The following RAB3C variants were observed in gnomAD, a reference collection of about 807,000 sequenced individuals.
RAB3C encodes ras-related protein Rab-3C.
In RAB3C, 17 loss-of-function variants were observed where a neutral mutation model predicts 26.4. That is an observed-to-expected ratio of 0.64 (90% CI 0.44 to 0.97). The LOEUF (loss-of-function observed/expected upper bound fraction) is 0.97, where lower values mean the gene tolerates loss of function less well. RAB3C is among the 50% of genes least tolerant of loss of function. The pLI, the probability that RAB3C is intolerant of heterozygous loss-of-function variation, is 0.00. For synonymous variants in RAB3C, 91 were observed against 95.9 expected, an observed-to-expected ratio of 0.95 and a Z score of 0.30; for missense variants, 242 against 281.9, an observed-to-expected ratio of 0.86 and a Z score of 1.01.
At chr5:58,826,906 T>C (rs1343859436) in intron 4 of RAB3C, among the ~76,000 whole-genome samples, 1 of 152,202 alleles carries the variant, frequency 6.6e-6, no homozygotes, top group Non-Finnish European at 1.5e-5. Flanking sequence ...CTAATCTAAA[T>C]ACAGTTCACT....
chr5:58,799,055 G>T (rs1202781327), intron 3 of RAB3C, among the ~76,000 whole-genome samples: 1 of 152,164 alleles, frequency 6.6e-6, no homozygotes, highest in Non-Finnish European at 1.5e-5. Flanking sequence ...AGACATTACT[G>T]GGATAATTGG....
chr5:58,796,875 A>G (rs984572349), intron 3 of RAB3C, among the ~76,000 whole-genome samples: 39 of 152,064 alleles, frequency 2.6e-4, no homozygotes, highest in Non-Finnish European at 4.9e-4. Context: ...GGTAGAGTTC[A>G]TAGCAGTCAT....
intron 2 of RAB3C, among the ~76,000 whole-genome samples, chr5:58,653,893 A>G (rs1401102693): frequency 3.3e-5 from 5 of 152,200 alleles, no homozygotes; most frequent in East Asian, 1.9e-4. Flanking sequence ...AATTCCCACA[A>G]TCTTCTATTC....
At chr5:58,696,193 A>T (rs1225405203) in intron 2 of RAB3C, among the ~76,000 whole-genome samples, 2 of 151,996 alleles carry the variant, frequency 1.3e-5, no homozygotes, top group Non-Finnish European at 2.9e-5. Flanking sequence ...TGTGGTTTTT[A>T]TCTTTGGTTC....
At chr5:58,777,727 G>A (rs1181703244) in intron 3 of RAB3C, among the ~76,000 whole-genome samples, 1 of 151,120 alleles carries the variant, frequency 6.6e-6, no homozygotes, top group Admixed American at 6.6e-5. Flanking sequence ...GTATATCTCC[G>A]AATGCTATCC....
intron 2 of RAB3C, among the ~76,000 whole-genome samples, chr5:58,678,004 A>C (rs369546189): frequency 4.7e-5 from 3 of 63,460 alleles, no homozygotes; most frequent in Non-Finnish European, 1.1e-4. Context: ...GTGTGTGTGC[A>C]TGCGTGTGTG....
At chr5:58,749,340 C>A (rs1337762973) in intron 3 of RAB3C, among the ~76,000 whole-genome samples, 3 of 152,134 alleles carry the variant, frequency 2.0e-5, no homozygotes, top group Non-Finnish European at 2.9e-5. Context: ...TTTATTTTCA[C>A]TTAACATTTA....
chr5:58,737,409 AT>A lies in RAB3C; in HGVS notation c.371+11290del, dbSNP rs1330124863. On this transcript the variant is annotated intron_variant, in intron 3 of 4. Coordinates refer to ENST00000282878, the MANE Select transcript of RAB3C (RefSeq NM_138453.4). ...CACCCTATGAAATATATATATATATATATATATATATATATATATATATATA... is the reference window on the plus strand; with the variant it reads ...CACCCTATGAAATATATATATATATAATATATATATATATATATATATATA... 2.5e-4 allele frequency among the ~76,000 whole-genome samples: 14 copies of A among 55,302 alleles called. 1 individual carries two copies. Among genetic ancestry groups the A allele is most frequent in the South Asian group, 1.8e-3 (3 of 1,696 alleles). 36.3% of individuals were successfully genotyped at this position (55,302 alleles called of 152,430 possible). A position where few individuals can be genotyped will look rare whatever the true frequency, so the allele number is the denominator to read the frequency against.
chr5:58,618,765 G>A (rs1256382028), intron 2 of RAB3C, among the ~76,000 whole-genome samples: 2 of 152,232 alleles, frequency 1.3e-5, no homozygotes, highest in Admixed American at 6.5e-5. Flanking sequence ...GTAAGTTTTG[G>A]CACCTTTTTC....
At chr5:58,814,186 G>T (rs1300377613) in intron 3 of RAB3C, among the ~76,000 whole-genome samples, 1 of 152,096 alleles carries the variant, frequency 6.6e-6, no homozygotes, top group Non-Finnish European at 1.5e-5. Context: ...TTCTTCTTTG[G>T]TTCTCTTCTT....
chr5:58,663,556 T>C (rs1747946524), intron 2 of RAB3C, among the ~76,000 whole-genome samples: 1 of 150,232 alleles, frequency 6.7e-6, no homozygotes, highest in Non-Finnish European at 1.5e-5. Context: ...AAGGGAAAGA[T>C]TTATTCAAAT....
At chr5:58,816,862 G>A (rs1216989896) in intron 3 of RAB3C, among the ~76,000 whole-genome samples, 4 of 152,166 alleles carry the variant, frequency 2.6e-5, no homozygotes, top group Admixed American at 6.5e-5. Context: ...AAGGCCCTAT[G>A]AAGGGTGCTA....
chr5:58,643,691 T>C (rs1747457932), intron 2 of RAB3C, among the ~76,000 whole-genome samples: 1 of 152,138 alleles, frequency 6.6e-6, no homozygotes, highest in Non-Finnish European at 1.5e-5. Flanking sequence ...AAAATTGGAA[T>C]CCAGGTTAAA....
At chr5:58,807,126 G>T (rs1285760698) in intron 3 of RAB3C, among the ~76,000 whole-genome samples, 1 of 152,180 alleles carries the variant, frequency 6.6e-6, no homozygotes, top group Non-Finnish European at 1.5e-5. Flanking sequence ...GCTTTAATCT[G>T]TATCTCATGT....
At chr5:58,759,238 A>C (rs148061890) in intron 3 of RAB3C, among the ~76,000 whole-genome samples, 4 of 152,298 alleles carry the variant, frequency 2.6e-5, no homozygotes, top group African/African-American at 9.6e-5. Context: ...TTATAGAAGG[A>C]GTTTCTAACC....
intron 2 of RAB3C, among the ~76,000 whole-genome samples, chr5:58,711,182 T>C (rs1030129575): frequency 1.3e-5 from 2 of 152,222 alleles, no homozygotes; most frequent in African/African-American, 4.8e-5. Flanking sequence ...TGGCTGATCC[T>C]GAAGGACAAA....
chr5:58,665,316 G>A (rs1341097879), intron 2 of RAB3C, among the ~76,000 whole-genome samples: 1 of 152,144 alleles, frequency 6.6e-6, no homozygotes, highest in African/African-American at 2.4e-5. Context: ...TAAGAGATAA[G>A]TAATACCTGA....
intron 3 of RAB3C, among the ~76,000 whole-genome samples, chr5:58,783,322 A>G (rs534074997): frequency 1.3e-5 from 2 of 152,162 alleles, no homozygotes; most frequent in East Asian, 3.8e-4. Context: ...TTATTCATGT[A>G]TGGTGAGAAA....
chr5:58,643,734 C>T (rs145745413), intron 2 of RAB3C, among the ~76,000 whole-genome samples: 296 of 152,306 alleles, frequency 1.9e-3, no homozygotes, highest in African/African-American at 6.8e-3. Context: ...AGAAAGCTCA[C>T]AATGCAGATT....
Sources: gnomAD v4.1 joint callset for allele counts (sites outside exome capture counted in the v4.1 genomes callset) on GRCh38, gnomAD v4.1.1 for gene constraint, MANE v1.5 for transcripts, NCBI Gene and HGNC (gene_info 2026-07-23, HGNC 2026-07-21) for gene names.